The following SETDB2 variants were observed in gnomAD, a reference collection of about 807,000 sequenced individuals.
SETDB2 encodes the protein SET domain bifurcated histone lysine methyltransferase 2.
Under a neutral mutation model 82.5 loss-of-function variants are expected in SETDB2, and 56 were observed. The observed-to-expected ratio is 0.68, with a 90% CI of 0.55 to 0.85. The LOEUF is 0.85. SETDB2 is among the 40% of genes least tolerant of loss of function. The probability of loss-of-function intolerance (pLI) is 0.00; values close to 1 mark genes in which losing one functional copy is unlikely to be tolerated. For missense variants in SETDB2, 677 were observed against 816.4 expected, an observed-to-expected ratio of 0.83 and a Z score of 2.08; for synonymous variants, 272 against 284.9, an observed-to-expected ratio of 0.95 and a Z score of 0.46.
rs565856551 is a variant in SETDB2, at chr13:49,459,627, TTC to T, written c.17-476_17-475del. Among the ~76,000 whole-genome samples, 423 of 152,312 alleles carry T rather than the reference TTC, an allele frequency of 2.8e-3. 3 individuals are homozygous for T. The highest frequency in any genetic ancestry group is 3.4e-3 in the Non-Finnish European group (234 of 68,014). ...GAAATGTTGGCTCATTTATGTAACT[TTC>T]TCTGTACAACTTTAAACATTAATTT... On this transcript the variant is annotated intron_variant, in intron 2 of 13. Coordinates refer to ENST00000611815, the MANE Select transcript of SETDB2 (RefSeq NM_001160308.3).
At chr13:49,453,942 T>A (rs946292018) in intron 2 of SETDB2, among the ~76,000 whole-genome samples, 23 of 152,116 alleles carry the variant, frequency 1.5e-4, no homozygotes, top group Non-Finnish European at 2.9e-4. Context: ...ACTGTTTGTA[T>A]CTGCCTTAAG....
chr13:49,490,799 T>A (rs766915264), intron 12 of SETDB2, 23 bp from the exon 13 acceptor site: 86 of 1,568,382 alleles, frequency 5.5e-5, no homozygotes, highest in Non-Finnish European at 7.3e-5. Context: ...TTTCTAACCT[T>A]TGTGTTTATT....
rs1958730106 is a variant in SETDB2, at chr13:49,492,397, CTG to C, written c.*550_*551del. On this transcript the variant is annotated 3_prime_UTR_variant, in exon 14 of 14. Coordinates refer to ENST00000611815, the MANE Select transcript of SETDB2 (RefSeq NM_001160308.3). ...AAGCAATATCTGGATCGATAAAACA[CTG>C]TCCCATCAACCATTTGAGTGGGGAG... 1 of 154,836 alleles carries C rather than the reference CTG, an allele frequency of 6.5e-6. No individual in the cohort carries two copies. Among genetic ancestry groups the C allele is most frequent in the Admixed American group, 6.4e-5 (1 of 15,570 alleles). The allele number at this position is 154,836 out of a possible 1,614,324, so 9.6% of individuals were successfully genotyped here.
At chr13:49,486,265 C>T (rs1043114906) in intron 11 of SETDB2, among the ~76,000 whole-genome samples, 15 of 149,732 alleles carry the variant, frequency 1.0e-4, no homozygotes, top group African/African-American at 2.5e-4. Context: ...GATTGTGCCA[C>T]GGTACTGCAG....
At position 49,478,523 on chromosome 13, in the gene SETDB2, A is replaced by G. The variant is rs1204261766; in HGVS notation, c.869+1484A>G. On this transcript the variant is annotated intron_variant, in intron 6 of 13. Coordinates refer to ENST00000611815, the MANE Select transcript of SETDB2 (RefSeq NM_001160308.3). The stretch of plus-strand genomic sequence containing the variant: ...ACATTTACAGCACACAAAGATGTTT[A>G]GGACCATGAAGGCAGCATGAGTCCC... Among the ~76,000 whole-genome samples, 5 of 152,358 alleles carry G rather than the reference A, an allele frequency of 3.3e-5. No homozygotes were observed. The East Asian group carries it at 9.6e-4, about 29-fold the overall frequency.
chr13:49,463,005 A>T (rs577128893), intron 4 of SETDB2, among the ~76,000 whole-genome samples: 2 of 151,540 alleles, frequency 1.3e-5, no homozygotes, highest in African/African-American at 2.4e-5. Context: ...AAATGTGTTA[A>T]TTTTTTTTTC....
rs1958422272 is a variant in SETDB2 at position 49,478,816 on chromosome 13, G to A, written c.870-1403G>A. Reference sequence around the variant, plus strand: ...TGGGACGCCCTTGTAGTCCCAGCTAGTCGGGAGTCTGAGGTGGGAGGATCA... The same window carrying A: ...TGGGACGCCCTTGTAGTCCCAGCTAATCGGGAGTCTGAGGTGGGAGGATCA... On this transcript the variant is annotated intron_variant, in intron 6 of 13. Coordinates refer to ENST00000611815, the MANE Select transcript of SETDB2 (RefSeq NM_001160308.3). Among the ~76,000 whole-genome samples, 2 of 152,076 alleles carry A rather than the reference G, an allele frequency of 1.3e-5. 1 individual carries two copies. The highest frequency in any genetic ancestry group is 4.1e-4 in the South Asian group (2 of 4,822).
intron 11 of SETDB2, among the ~76,000 whole-genome samples, chr13:49,486,340 A>T (rs1236683581): frequency 1.3e-5 from 2 of 152,144 alleles, no homozygotes; most frequent in African/African-American, 4.8e-5. Context: ...ATTGGAATAC[A>T]GCCAATTTAC....
chr13:49,476,229 T>G (rs1958357606), intron 5 of SETDB2, among the ~76,000 whole-genome samples: 1 of 152,188 alleles, frequency 6.6e-6, no homozygotes, highest in African/African-American at 2.4e-5. Context: ...AAGGCTGCTC[T>G]GTGCTGTGAT....
intron 8 of SETDB2, 26 bp from the exon 9 acceptor site, chr13:49,482,711 C>G (rs1222707431): frequency 7.5e-6 from 11 of 1,472,110 alleles, no homozygotes; most frequent in Non-Finnish European, 9.4e-6. Flanking sequence ...CTGTGTTGTT[C>G]AAACTCTTTA....
At position 49,446,024 on chromosome 13, in the gene SETDB2, T is replaced by G. The variant is rs1957676937; in HGVS notation, c.-342+1167T>G. 1.5e-5 allele frequency: 3 copies of G among 204,316 alleles called. No homozygotes were observed. In the South Asian group the frequency reaches 2.0e-4, roughly 13 times the overall value. 12.7% of individuals were successfully genotyped at this position (204,316 alleles called of 1,614,324 possible). Reference sequence around the variant, plus strand: ...TTTGGCAGATCACTTGAGCCCAGAGTTCAAGACCAACCTGGGCAACATAGA... The same window carrying G: ...TTTGGCAGATCACTTGAGCCCAGAGGTCAAGACCAACCTGGGCAACATAGA... On this transcript the variant is annotated intron_variant, in intron 1 of 13. Coordinates refer to ENST00000611815, the MANE Select transcript of SETDB2 (RefSeq NM_001160308.3).
Position 49,457,495 on chromosome 13 carries a change from G to A in SETDB2, c.17-2612G>A, listed in dbSNP as rs566407864. ...GTTACCCAGGCTGGAGTGCAGTGGC[G>A]CAATCTCAACCCACTGTAACCTCCG... is the stretch of plus-strand genomic sequence containing the variant. On this transcript the variant is annotated intron_variant, in intron 2 of 13. Transcript: ENST00000611815. Among the ~76,000 whole-genome samples the A allele has an allele frequency of 3.4e-5, 5 of 148,356 alleles. No individual in the cohort carries two copies. The East Asian group carries it at 5.9e-4, about 18-fold the overall frequency.
intron 2 of SETDB2, among the ~76,000 whole-genome samples, chr13:49,452,409 A>T (rs1957803260): frequency 6.6e-6 from 1 of 152,148 alleles, no homozygotes; most frequent in South Asian, 2.1e-4. Context: ...TGGCCAAAAT[A>T]GGTGAGCCAC....
At chr13:49,467,763 C>G in intron 4 of SETDB2, 101 bp from the exon 5 acceptor site, 1 of 678,848 alleles carries the variant, frequency 1.5e-6, no homozygotes. Flanking sequence ...TTTTAGGGAT[C>G]CATATGGGCA....
At position 49,488,649 on chromosome 13, in the gene SETDB2, A is replaced by T. The variant is rs751847013; in HGVS notation, c.1917+19A>T. ...CCTTAATGTGAGTATAAGGGCTGAG[A>T]TTCCTATTTCTGAACAACTGTTTTT... is the stretch of plus-strand genomic sequence containing the variant. On this transcript the variant is annotated intron_variant, in intron 12 of 13. Transcript: ENST00000611815. 1.7e-5 allele frequency: 26 copies of T among 1,532,118 alleles called. No individual in the cohort carries two copies. In the African/African-American group the frequency reaches 3.1e-4, roughly 18 times the overall value. The allele number at this position is 1,532,118 out of a possible 1,614,324, so 94.9% of individuals were successfully genotyped here.
rs1957790389 is a variant in SETDB2, at chr13:49,451,788, G to A, written c.-106G>A. The A allele has an allele frequency of 3.7e-6, 3 of 820,626 alleles. No individual in the cohort carries two copies. The highest frequency in any genetic ancestry group is 1.8e-5 in the South Asian group (1 of 54,184). 50.8% of individuals were successfully genotyped at this position (820,626 alleles called of 1,614,324 possible). ...TAATGATGTATTTTGTCTGAGGACT[G>A]CAAATTTTATAGAGACCACAGTTGG... On this transcript the variant is annotated 5_prime_UTR_variant, in exon 2 of 14. Coordinates refer to ENST00000611815, the MANE Select transcript of SETDB2 (RefSeq NM_001160308.3).
chr13:49,468,039 G>T, intron 5 of SETDB2, 79 bp downstream of exon 5: 1 of 988,928 alleles, frequency 1.0e-6, no homozygotes, highest in Non-Finnish European at 1.4e-6. Context: ...CATTAGAATA[G>T]ATGAAATATA....
At chr13:49,458,016 C>T (rs575194780) in intron 2 of SETDB2, among the ~76,000 whole-genome samples, 1 of 152,204 alleles carries the variant, frequency 6.6e-6, no homozygotes, top group African/African-American at 2.4e-5. Flanking sequence ...AATAATTTTG[C>T]CTAAAAGTGG....
At position 49,456,435 on chromosome 13, in the gene SETDB2, T is replaced by TGA. The variant is rs529648486; in HGVS notation, c.17-3671_17-3670insAG. ...ACTTCTTGCCTCATGGTTATAGTCTTGCAATGAATAGTCATAACTGGCTAA... is the reference window on the plus strand; with the variant it reads ...ACTTCTTGCCTCATGGTTATAGTCTTGAGCAATGAATAGTCATAACTGGCTAA... On this transcript the variant is annotated intron_variant, in intron 2 of 13. Transcript: ENST00000611815. Among the ~76,000 whole-genome samples the TGA allele has an allele frequency of 1.1e-3, 172 of 152,274 alleles. 1 individual carries two copies. The highest frequency in any genetic ancestry group is 3.9e-3 in the African/African-American group (163 of 41,558).
Sources: allele counts gnomAD v4.1 joint callset (sites outside exome capture counted in the v4.1 genomes callset), GRCh38; gene constraint gnomAD v4.1.1; transcripts MANE v1.5; gene names NCBI Gene and HGNC (gene_info 2026-07-23, HGNC 2026-07-21).